The following CC2D2A variants were observed in gnomAD, a reference collection of about 807,000 sequenced individuals.
CC2D2A encodes coiled-coil and C2 domain-containing protein 2A.
In CC2D2A, 155 loss-of-function variants were observed where a neutral mutation model predicts 212.9. That is an observed-to-expected ratio of 0.73 (90% confidence interval 0.64 to 0.83). The LOEUF is 0.83. Among genes scored for constraint, CC2D2A ranks in the 40% least tolerant of loss-of-function variants. The pLI, the probability that CC2D2A is intolerant of heterozygous loss-of-function variation, is 0.00. For synonymous variants in CC2D2A, 667 were observed against 686.5 expected, an observed-to-expected ratio of 0.97 and a Z score of 0.44; for missense variants, 1,856 against 1,956.2, an observed-to-expected ratio of 0.95 and a Z score of 0.97.
chr4:15,473,369 G>A (rs556735481), intron 1 of CC2D2A: 1 of 152,140 alleles, frequency 6.6e-6, no homozygotes, highest in African/African-American at 2.4e-5. Flanking sequence ...GGTCAGAGAA[G>A]AGCTCTCTGA....
intron 4 of CC2D2A, among the ~76,000 whole-genome samples, chr4:15,482,661 G>A (rs910913855): frequency 2.6e-5 from 4 of 152,096 alleles, no homozygotes; most frequent in African/African-American, 9.7e-5. Context: ...GTCAGATTGG[G>A]GGAGAAGGCT....
Position 15,562,441 on chromosome 4 carries a change from ACT to A in CC2D2A, c.3015-911_3015-910del, listed in dbSNP as rs576539551. ...TGAACGTTTCTCCTATGATTCACTG[ACT>A]CTGTTGCTTTCATCTTACAGGAAGT... On this transcript the variant is annotated intron_variant, in intron 23 of 36. Coordinates refer to ENST00000424120, the MANE Select transcript of CC2D2A (RefSeq NM_001378615.1). Among the ~76,000 whole-genome samples the A allele has an allele frequency of 4.1e-3, 630 of 152,302 alleles. 2 individuals carry two copies. The highest frequency in any genetic ancestry group is 6.8e-3 in the Non-Finnish European group (464 of 68,026).
Position 15,536,978 on chromosome 4 carries a change from A to G in CC2D2A, c.1666A>G (p.Ile556Val), listed in dbSNP as rs1428654313. 3.7e-6 allele frequency: 6 copies of G among 1,613,922 alleles called. No individual in the cohort carries two copies. The East Asian group carries it at 1.3e-4, about 36-fold the overall frequency. The change falls in exon 15 of 37, where the codon ATA (isoleucine) becomes GTA (valine). Residue 556 changes from isoleucine (I) to valine (V), a missense_variant. Ile to Val is a conservative substitution (Grantham distance 29). This residue lies in a region of CC2D2A where 1,512 missense variants were observed against 1,579.3 expected (regional missense o/e 0.96). Coordinates refer to ENST00000424120, the MANE Select transcript of CC2D2A (RefSeq NM_001378615.1). ...ATATGAAGCAGAAATTCAAGCTGAA[A>G]TAAGTGAACTGTTAGAAGAGCACAC... ...EAYEAEIQAE[I>V]SELLEEHTEE...
intron 22 of CC2D2A, among the ~76,000 whole-genome samples, chr4:15,559,623 A>G (rs766745315): frequency 1.4e-4 from 22 of 152,170 alleles, no homozygotes; most frequent in Non-Finnish European, 2.5e-4. Flanking sequence ...GCCCTTATGC[A>G]CTAGAAAACT....
chr4:15,586,377 G>A (rs1319639742), intron 31 of CC2D2A, 131 bp downstream of exon 31: 5 of 512,664 alleles, frequency 9.8e-6, no homozygotes, highest in Admixed American at 3.7e-5. Context: ...AGTAATATGA[G>A]CTAAATTTTG....
intron 4 of CC2D2A, among the ~76,000 whole-genome samples, chr4:15,486,073 T>C (rs903245842): frequency 1.3e-5 from 2 of 152,188 alleles, no homozygotes; most frequent in African/African-American, 2.4e-5. Flanking sequence ...TAGTATTTTG[T>C]TGATGATTTT....
intron 17 of CC2D2A, among the ~76,000 whole-genome samples, chr4:15,544,643 C>T (rs191483856): frequency 2.0e-5 from 3 of 152,220 alleles, no homozygotes; most frequent in African/African-American, 4.8e-5. Flanking sequence ...GTGAAACACA[C>T]TCCCACTATG....
At chr4:15,487,158 A>C (rs1438870786) in intron 4 of CC2D2A, among the ~76,000 whole-genome samples, 3 of 151,928 alleles carry the variant, frequency 2.0e-5, no homozygotes, top group Non-Finnish European at 4.4e-5. Context: ...TGTTAGTTTC[A>C]TTTGTTTTAT....
chr4:15,477,264 T>C (rs1439557408), intron 2 of CC2D2A, among the ~76,000 whole-genome samples: 4 of 147,050 alleles, frequency 2.7e-5, no homozygotes, highest in African/African-American at 1.0e-4. Context: ...ATCATGCCAC[T>C]GCACTCCAGC....
intron 33 of CC2D2A, among the ~76,000 whole-genome samples, chr4:15,592,571 A>C (rs1721158255): frequency 6.6e-6 from 1 of 152,198 alleles, no homozygotes; most frequent in Non-Finnish European, 1.5e-5. Flanking sequence ...TCCGTAGTTT[A>C]CTGATAAAGG....
chr4:15,540,948 C>A lies in CC2D2A; in HGVS notation c.2115C>A (p.Phe705Leu). ...TCAGTCGGCCACTAGGAGCAGACTT[C>A]CGAGTTCACTTTGGGCAGATTTTCA... is the stretch of plus-strand genomic sequence containing the variant. ...RTVSRPLGAD[F>L]RVHFGQIFNL... Residue 705 changes from phenylalanine (F) to leucine (L), a missense_variant, in exon 17 of 37, where the codon TTC (phenylalanine) becomes TTA (leucine). Physicochemically the swap from Phe to Leu is conservative, Grantham distance 22. Around this residue, in one of 5 missense-constraint regions of CC2D2A, gnomAD observed 1,512 missense variants for 1,579.3 expected, o/e 0.96. Coordinates refer to ENST00000424120, the MANE Select transcript of CC2D2A (RefSeq NM_001378615.1). The A allele has an allele frequency of 6.4e-7, 1 of 1,561,058 alleles. No homozygotes were observed. Among genetic ancestry groups the A allele is most frequent in the East Asian group, 2.4e-5 (1 of 41,790 alleles).
intron 23 of CC2D2A, among the ~76,000 whole-genome samples, chr4:15,562,460 A>C (rs7437025): frequency 0.96 from 146,300 of 152,320 alleles, 70,527 homozygotes; most frequent in East Asian, 1. Context: ...CTTTCATCTT[A>C]CAGGAAGTGT....
intron 30 of CC2D2A, 45 bp from the exon 31 acceptor site, chr4:15,586,112 G>A (rs746114311): frequency 1.5e-6 from 2 of 1,374,092 alleles, no homozygotes; most frequent in Admixed American, 1.7e-5. Flanking sequence ...GCAGCATTCT[G>A]TTTTATTATA....
intron 30 of CC2D2A, among the ~76,000 whole-genome samples, chr4:15,581,183 G>C (rs1250048835): frequency 6.6e-6 from 1 of 151,960 alleles, no homozygotes; most frequent in Non-Finnish European, 1.5e-5. Flanking sequence ...AGATATAGAT[G>C]TATCAAAAAA....
At chr4:15,585,406 A>G (rs1366908912) in intron 30 of CC2D2A, among the ~76,000 whole-genome samples, 1 of 152,172 alleles carries the variant, frequency 6.6e-6, no homozygotes, top group Non-Finnish European at 1.5e-5. Flanking sequence ...GACAGAGACA[A>G]TATGATCTCA....
chr4:15,506,514 T>C (rs1716263337), intron 6 of CC2D2A, among the ~76,000 whole-genome samples: 1 of 152,208 alleles, frequency 6.6e-6, no homozygotes, highest in South Asian at 2.1e-4. Context: ...TATCATCATC[T>C]TCACAGATCT....
chr4:15,541,593 G>A (rs1718451691), intron 17 of CC2D2A, among the ~76,000 whole-genome samples: 1 of 151,904 alleles, frequency 6.6e-6, no homozygotes. Context: ...GAAGGGGGTG[G>A]GGCACAGGGA....
chr4:15,494,824 G>A (rs530105703), intron 4 of CC2D2A, among the ~76,000 whole-genome samples: 1 of 152,212 alleles, frequency 6.6e-6, no homozygotes, highest in South Asian at 2.1e-4. Flanking sequence ...TACATGCTTT[G>A]ATTGACAACA....
Position 15,555,210 on chromosome 4 carries a change from G to A in CC2D2A, c.2625G>A (p.Ser875=), listed in dbSNP as rs765873247. The A allele has an allele frequency of 1.4e-5, 22 of 1,611,714 alleles. No homozygotes were observed. Among genetic ancestry groups the A allele is most frequent in the African/African-American group, 2.7e-5 (2 of 74,882 alleles). The change falls in exon 20 of 37, where the codon TCG becomes TCA. Residue 875 remains serine (S), a splice_region_variant and synonymous_variant. Transcript: ENST00000424120. ...ATGCCCCTTTGATGCAGCTTATCTC[G>A]GTATGTAGCAGGAGGCACACATGCC... ...PNNAPLMQLI[S]VATSGESYVP... is the part of the protein sequence containing the mutation.
Sources: gnomAD v4.1 joint callset for allele counts (sites outside exome capture counted in the v4.1 genomes callset) on GRCh38, gnomAD v4.1.1 for gene constraint, gnomAD v4.1.1 regional missense constraint, MANE v1.5 for transcripts, NCBI Gene and HGNC (gene_info 2026-07-23, HGNC 2026-07-21) for gene names.